LRP1: variants seen among roughly 807,000 people sequenced by gnomAD.
LRP1 encodes LDL receptor related protein 1, also known as prolow-density lipoprotein receptor-related protein 1.
LRP1 carries 51 observed loss-of-function variants against 541.5 expected under a neutral mutation model. That is an observed-to-expected ratio of 0.09 (90% confidence interval 0.08 to 0.12). LRP1 has a LOEUF of 0.12. Among genes scored for constraint, LRP1 ranks in the 10% least tolerant of loss-of-function variants. The probability of loss-of-function intolerance (pLI) is 1.00; values close to 1 mark genes in which losing one functional copy is unlikely to be tolerated. For synonymous variants in LRP1, 2,219 were observed against 2,470.8 expected (o/e 0.90, Z 3.02); for missense variants, 3,878 against 6,376.2 (o/e 0.61, Z 13.34).
rs1592634029 is a variant in LRP1, at chr12:57,177,219, G to A, written c.4170G>A (p.Arg1390=). 6.2e-7 allele frequency: 1 copy of A among 1,614,154 alleles called. No homozygotes were observed. The highest frequency in any genetic ancestry group is 1.1e-5 in the South Asian group (1 of 91,088). ...TGGCCGGTGACATTGAGCACCCAAG[G>A]GCAATCGCACTGGATCCCCGGGATG... ...TLLAGDIEHP[R]AIALDPRDGI... The change falls in exon 25 of 89, where the codon AGG becomes AGA. Residue 1390 remains arginine (R), a synonymous_variant. Coordinates refer to ENST00000243077, the MANE Select transcript of LRP1 (RefSeq NM_002332.3). The surrounding 1 kb of genome is among the most constrained non-coding windows in gnomAD (Gnocchi z 6.8).
rs977323582 is a variant in LRP1 at position 57,209,791 on chromosome 12, G to A, written c.12362G>A (p.Ser4121Asn). The A allele has an allele frequency of 6.2e-7, 1 of 1,614,246 alleles. No individual in the cohort carries two copies. Among genetic ancestry groups the A allele is most frequent in the Admixed American group, 1.7e-5 (1 of 60,034 alleles). The change falls in exon 80 of 89, where the codon AGC becomes AAC. Residue 4121 changes from serine (S) to asparagine (N), a missense_variant. By Grantham distance (46) the Ser-to-Asn change is conservative (BLOSUM62 1). Transcript: ENST00000243077. ...RVFKIHKFGH[S>N]PLVNLTGGLS... is the part of the protein sequence containing the mutation. ...TTCAAGATCCATAAGTTTGGCCACAGCCCCTTGGTCAACCTGACAGGGGGC... is the reference window on the plus strand; with the variant it reads ...TTCAAGATCCATAAGTTTGGCCACAACCCCTTGGTCAACCTGACAGGGGGC...
At chr12:57,167,571 G>A in intron 19 of LRP1, 47 bp downstream of exon 19, 1 of 1,517,644 alleles carries the variant, frequency 6.6e-7, no homozygotes, top group Non-Finnish European at 9.1e-7. Context: ...ACAGCTAGAG[G>A]CTACAGCCAG....
chr12:57,197,519 T>C lies in LRP1; in HGVS notation c.9163-26T>C. 6.2e-7 allele frequency: 1 copy of C among 1,613,944 alleles called. No individual in the cohort carries two copies. Among genetic ancestry groups the C allele is most frequent in the Non-Finnish European group, 8.5e-7 (1 of 1,179,978 alleles). The stretch of plus-strand genomic sequence containing the variant: ...GGCCCCTGTTGCCACAACCGACTTC[T>C]GCTGTCCTTCACTCCCCAAATCCAG... On this transcript the variant is annotated intron_variant, in intron 57 of 88. Transcript: ENST00000243077. This position sits in a 1 kb window ranked among gnomAD's most constrained non-coding sequence, Gnocchi z 4.5.
chr12:57,162,802 C>T lies in LRP1; in HGVS notation c.2405-56C>T. 1 of 1,548,332 alleles carries T rather than the reference C, an allele frequency of 6.5e-7. No individual in the cohort carries two copies. The highest frequency in any genetic ancestry group is 1.2e-5 in the South Asian group (1 of 83,398). On this transcript the variant is annotated intron_variant, in intron 14 of 88. Coordinates refer to ENST00000243077, the MANE Select transcript of LRP1 (RefSeq NM_002332.3). This position sits in a 1 kb window ranked among gnomAD's most constrained non-coding sequence, Gnocchi z 5.2. The stretch of plus-strand genomic sequence containing the variant: ...ATGTGTCTCCTCCCCTATCCCTTCT[C>T]TGACCTCTCCTCACCTCTTCCTCCC...
At position 57,201,642 on chromosome 12, in the gene LRP1, C is replaced by T; in HGVS notation, c.10468+23C>T. On this transcript the variant is annotated intron_variant, in intron 66 of 88. Coordinates refer to ENST00000243077, the MANE Select transcript of LRP1 (RefSeq NM_002332.3). This position sits in a 1 kb window ranked among gnomAD's most constrained non-coding sequence, Gnocchi z 6.4. ...GCAGTGAGTTGCCTGGCCTGGAGCC[C>T]AGCTTCCCTCCCCAGTGTCTGCTGC... The T allele has an allele frequency of 6.2e-7, 1 of 1,606,264 alleles. No individual in the cohort carries two copies. The highest frequency in any genetic ancestry group is 8.5e-7 in the Non-Finnish European group (1 of 1,174,172).
chr12:57,207,935 C>A, intron 76 of LRP1, 103 bp from the exon 77 acceptor site: 1 of 1,305,228 alleles, frequency 7.7e-7, no homozygotes, highest in Non-Finnish European at 1.1e-6. Context: ...AGGGTCCTGG[C>A]TGTGAGCCTG....
In LRP1 at chr12:57,185,441, G is replaced by A. The variant is rs1187775226; in HGVS notation, c.6464-90G>A. ...TCAAGCTGGGAATACCGAGGCAGAG[G>A]GCAGAGCTTTCGCCAAAGCCTGGAT... On this transcript the variant is annotated intron_variant, in intron 40 of 88. Transcript: ENST00000243077. The surrounding 1 kb of genome is among the most constrained non-coding windows in gnomAD (Gnocchi z 4.9). 4.1e-6 allele frequency: 6 copies of A among 1,467,838 alleles called. No homozygotes were observed. The highest frequency in any genetic ancestry group is 2.3e-5 in the East Asian group (1 of 42,896). The allele number at this position is 1,467,838 out of a possible 1,614,324, so 90.9% of individuals were successfully genotyped here.
Position 57,179,892 on chromosome 12 carries a change from T to A in LRP1, c.5077T>A (p.Phe1693Ile). 1 of 1,614,144 alleles carries A rather than the reference T, an allele frequency of 6.2e-7. No homozygotes were observed. The highest frequency in any genetic ancestry group is 8.5e-7 in the Non-Finnish European group (1 of 1,180,040). ...CAATGTGGCCCGGCTGGATGGCTCCTTCAAGAACGCAGTGGTGCAGGGCCT... is the reference window on the plus strand; with the variant it reads ...CAATGTGGCCCGGCTGGATGGCTCCATCAAGAACGCAGTGGTGCAGGGCCT... ...QINVARLDGS[F>I]KNAVVQGLEQ... Residue 1693 changes from phenylalanine to isoleucine, a missense_variant, in exon 30 of 89, where the codon TTC becomes ATC. Around this residue, in one of 13 missense-constraint regions of LRP1, gnomAD observed 394 missense variants for 635.9 expected, o/e 0.62. Coordinates refer to ENST00000243077, the MANE Select transcript of LRP1 (RefSeq NM_002332.3). This position sits in a 1 kb window ranked among gnomAD's most constrained non-coding sequence, Gnocchi z 6.8.
At chr12:57,153,724 G>A (rs2035568533) in intron 6 of LRP1, among the ~76,000 whole-genome samples, 1 of 152,098 alleles carries the variant, frequency 6.6e-6, no homozygotes, top group African/African-American at 2.4e-5. Context: ...CCCAAACTGG[G>A]TTTATTAGCG....
chr12:57,212,944 A>T lies in LRP1; in HGVS notation c.*389A>T, dbSNP rs1296473844. ...GCTTGCCCGCTCCCACAGCTTCCTG[A>T]GGGCTAATTCTGGGAAGGGAGAGTT... On this transcript the variant is annotated 3_prime_UTR_variant, in exon 89 of 89. Coordinates refer to ENST00000243077, the MANE Select transcript of LRP1 (RefSeq NM_002332.3). The surrounding 1 kb of genome is among the most constrained non-coding windows in gnomAD (Gnocchi z 5.0). 1 of 171,832 alleles carries T rather than the reference A, an allele frequency of 5.8e-6. No homozygotes were observed. The highest frequency in any genetic ancestry group is 1.7e-4 in the East Asian group (1 of 5,808). 10.6% of individuals were successfully genotyped at this position (171,832 alleles called of 1,614,324 possible).
Position 57,187,255 on chromosome 12 carries a change from GTC to G in LRP1, c.6842-8_6842-7del, listed in dbSNP as rs745387594. 6.8e-6 allele frequency: 11 copies of G among 1,607,178 alleles called. No homozygotes were observed. In the Admixed American group the frequency reaches 1.7e-4, roughly 24 times the overall value. ...GCCCTCCTGACAAATCGCTGCTCCT[GTC>G]TCTTCACAGACGTGGGCTCCGTGGA... On this transcript the variant is annotated splice_polypyrimidine_tract_variant and intron_variant, in intron 41 of 88. Coordinates refer to ENST00000243077, the MANE Select transcript of LRP1 (RefSeq NM_002332.3).
intron 2 of LRP1, among the ~76,000 whole-genome samples, 197 bp downstream of exon 2, chr12:57,138,778 T>G (rs550608829): frequency 2.0e-5 from 3 of 152,326 alleles, no homozygotes; most frequent in Admixed American, 2.0e-4. Context: ...GGCTTAGAAA[T>G]GGCACCTCAG....
intron 6 of LRP1, among the ~76,000 whole-genome samples, chr12:57,151,893 A>C (rs2035533490): frequency 6.6e-6 from 1 of 152,308 alleles, no homozygotes; most frequent in East Asian, 1.9e-4. Context: ...GGGGTTGGAT[A>C]ACAAAGGATT....
rs1314734447 is a variant in LRP1 at position 57,166,943 on chromosome 12, C to T, written c.2811C>T (p.Pro937=). 1.9e-6 allele frequency: 3 copies of T among 1,613,464 alleles called. No individual in the cohort carries two copies. In the South Asian group the frequency reaches 3.3e-5, roughly 18 times the overall value. The change falls in exon 18 of 89, where the codon CCC becomes CCT. Residue 937 remains proline, a synonymous_variant. Coordinates refer to ENST00000243077, the MANE Select transcript of LRP1 (RefSeq NM_002332.3). ...CCTGCCCCCCAGCCCGCACCTGCCC[C>T]CCCAACCAGTTCTCCTGTGCCAGTG... The part of the protein sequence containing the change: ...SNATCSARTC[P]PNQFSCASGR...
In LRP1 at chr12:57,129,010, C is replaced by A; in HGVS notation, c.46C>A (p.Leu16Met). ...CCTGCTGCTGCCCCTGCTCTCAGCTCTGGTCGCGGCGGCTATCGACGGTGA... is the reference window on the plus strand; with the variant it reads ...CCTGCTGCTGCCCCTGCTCTCAGCTATGGTCGCGGCGGCTATCGACGGTGA... ...LLLLLPLLSA[L>M]VAAAIDAPKT... Residue 16 changes from leucine to methionine, a missense_variant, in exon 1 of 89, where the codon CTG becomes ATG. Coordinates refer to ENST00000243077, the MANE Select transcript of LRP1 (RefSeq NM_002332.3). The A allele has an allele frequency of 6.4e-7, 1 of 1,551,560 alleles. No individual in the cohort carries two copies. Among genetic ancestry groups the A allele is most frequent in the Non-Finnish European group, 8.7e-7 (1 of 1,146,882 alleles).
Position 57,181,218 on chromosome 12 carries a change from C to G in LRP1, c.5589C>G (p.Pro1863=). The G allele has an allele frequency of 6.2e-7, 1 of 1,613,788 alleles. No homozygotes were observed. The highest frequency in any genetic ancestry group is 8.5e-7 in the Non-Finnish European group (1 of 1,180,034). The change falls in exon 34 of 89, where the codon CCC becomes CCG. Residue 1863 remains proline, a synonymous_variant. Coordinates refer to ENST00000243077, the MANE Select transcript of LRP1 (RefSeq NM_002332.3). The part of the protein sequence containing the change: ...NNGDCSQLCL[P]TSETTRSCMC... Reference sequence around the variant, plus strand: ...GTGACTGCTCCCAGCTCTGCCTGCCCACGTCAGAGACGACCCGCTCCTGCA... The same window carrying G: ...GTGACTGCTCCCAGCTCTGCCTGCCGACGTCAGAGACGACCCGCTCCTGCA...
chr12:57,164,133 T>C (rs1050105449), intron 15 of LRP1, among the ~76,000 whole-genome samples: 1 of 152,236 alleles, frequency 6.6e-6, no homozygotes, highest in Non-Finnish European at 1.5e-5. Context: ...ATTGTGCCAC[T>C]GCACTCCAGC....
chr12:57,169,166 G>C lies in LRP1; in HGVS notation c.3022G>C (p.Glu1008Gln). 1 of 1,611,926 alleles carries C rather than the reference G, an allele frequency of 6.2e-7. No individual in the cohort carries two copies. Among genetic ancestry groups the C allele is most frequent in the Non-Finnish European group, 8.5e-7 (1 of 1,178,262 alleles). ...CAATGACTGTGGGGACAACAGTGAC[G>C]AAGCCGGCTGCAGCCACTCCTGTTC... is the stretch of plus-strand genomic sequence containing the variant. ...NDNDCGDNSD[E>Q]AGCSHSCSST... Residue 1008 changes from glutamate (E) to glutamine (Q), a missense_variant, in exon 20 of 89, where the codon GAA becomes CAA. Glu to Gln is a conservative substitution (Grantham distance 29). This residue lies in a region of LRP1 where 320 missense variants were observed against 547.9 expected (regional missense o/e 0.58). Transcript: ENST00000243077.
chr12:57,173,642 A>C lies in LRP1; in HGVS notation c.3347-138A>C. 3 of 889,912 alleles carry C rather than the reference A, an allele frequency of 3.4e-6. No homozygotes were observed. The highest frequency in any genetic ancestry group is 3.5e-6 in the Non-Finnish European group (2 of 572,740). 55.1% of individuals were successfully genotyped at this position (889,912 alleles called of 1,614,324 possible). ...TTTGTTGCCTATGTGAATTTGACCC[A>C]AAAAGCCTCGGGGTTCCTCGTGGAC... is the stretch of plus-strand genomic sequence containing the variant. On this transcript the variant is annotated intron_variant, in intron 21 of 88. Transcript: ENST00000243077. The surrounding 1 kb of genome is among the most constrained non-coding windows in gnomAD (Gnocchi z 4.7).
Sources: allele counts gnomAD v4.1 joint callset (sites outside exome capture counted in the v4.1 genomes callset), GRCh38; gene constraint gnomAD v4.1.1; regional missense constraint gnomAD v4.1.1; non-coding constraint Gnocchi (gnomAD v3.1); transcripts MANE v1.5; gene names NCBI Gene and HGNC (gene_info 2026-07-23, HGNC 2026-07-21).